SH3GL1: variants seen among roughly 807,000 people sequenced by gnomAD.
The protein encoded by SH3GL1 is SH3 domain containing GRB2 like 1, endophilin A2.
A neutral mutation model predicts 48.8 loss-of-function variants in SH3GL1; 21 were observed. That is an observed-to-expected ratio of 0.43 (90% CI 0.30 to 0.62). SH3GL1 has a LOEUF of 0.62. SH3GL1 is among the 20% of genes least tolerant of loss of function. The pLI, the probability that SH3GL1 is intolerant of heterozygous loss-of-function variation, is 0.11. For missense variants in SH3GL1, 454 were observed against 503.0 expected, an observed-to-expected ratio of 0.90 and a Z score of 0.93; for synonymous variants, 282 against 217.5, an observed-to-expected ratio of 1.30 and a Z score of -2.61.
intron 1 of SH3GL1, among the ~76,000 whole-genome samples, chr19:4,392,226 C>T (rs1001596068): frequency 6.6e-6 from 1 of 152,166 alleles, no homozygotes; most frequent in East Asian, 1.9e-4. Context: ...GTTATGAACC[C>T]CATATTTTTG....
intron 1 of SH3GL1, among the ~76,000 whole-genome samples, chr19:4,387,814 G>A (rs1173709127): frequency 1.3e-5 from 2 of 152,198 alleles, no homozygotes. Flanking sequence ...CTCCCGAGTA[G>A]CGGGGATTAC....
intron 3 of SH3GL1, among the ~76,000 whole-genome samples, chr19:4,366,007 T>G (rs891888892): frequency 2.6e-5 from 4 of 152,126 alleles, no homozygotes; most frequent in Non-Finnish European, 1.5e-5. Context: ...GCTGCCCGCT[T>G]GGGTCTGCTC....
intron 1 of SH3GL1, among the ~76,000 whole-genome samples, chr19:4,378,212 A>C (rs1176900492): frequency 1.3e-5 from 2 of 152,194 alleles, no homozygotes; most frequent in African/African-American, 4.8e-5. Context: ...TCGGGAGCTC[A>C]GGTGTGCCAG....
intron 1 of SH3GL1, among the ~76,000 whole-genome samples, chr19:4,378,960 G>A (rs1973066526): frequency 1.3e-5 from 2 of 152,234 alleles, no homozygotes; most frequent in Non-Finnish European, 2.9e-5. Context: ...CCCTGGTGAG[G>A]CACTCACAGG....
chr19:4,360,514 G>C lies in SH3GL1; in HGVS notation c.*1086C>G, dbSNP rs1972576032. ...GGGGTGCAGGGCAGGGCAGAGCAGA[G>C]CCTGGGGTCCGGAGGCTTCACTGGA... is the stretch of plus-strand genomic sequence containing the variant. On this transcript the variant is annotated 3_prime_UTR_variant, in exon 10 of 10. Transcript: ENST00000269886. The C allele has an allele frequency of 4.3e-6, 1 of 233,940 alleles. No homozygotes were observed. The highest frequency in any genetic ancestry group is 8.4e-6 in the Non-Finnish European group (1 of 118,612). 14.5% of individuals were successfully genotyped at this position (233,940 alleles called of 1,614,324 possible).
At chr19:4,366,623 G>T in intron 2 of SH3GL1, 50 bp from the exon 3 acceptor site, 1 of 1,538,096 alleles carries the variant, frequency 6.5e-7, no homozygotes. Context: ...GGGGCCCAAG[G>T]CACACAAGAC....
In SH3GL1 at chr19:4,376,049, G is replaced by C. The variant is rs1350478606; in HGVS notation, c.46-9055C>G. Among the ~76,000 whole-genome samples the C allele has an allele frequency of 1.3e-5, 2 of 152,240 alleles. No individual in the cohort carries two copies. Among genetic ancestry groups the C allele is most frequent in the Non-Finnish European group, 2.9e-5 (2 of 68,040 alleles). ...GAGACTGGAAATGGTCTTGGAGAGAGAACTGCGGGGCATGGTGACAGCGGT... is the reference window on the plus strand; with the variant it reads ...GAGACTGGAAATGGTCTTGGAGAGACAACTGCGGGGCATGGTGACAGCGGT... On this transcript the variant is annotated intron_variant, in intron 1 of 9. Coordinates refer to ENST00000269886, the MANE Select transcript of SH3GL1 (RefSeq NM_003025.4). The surrounding 1 kb of genome is among the most constrained non-coding windows in gnomAD (Gnocchi z 4.3).
intron 3 of SH3GL1, 27 bp from the exon 4 acceptor site, chr19:4,365,652 G>A (rs1193427156): frequency 6.2e-7 from 1 of 1,612,516 alleles, no homozygotes; most frequent in Non-Finnish European, 8.5e-7. Context: ...AGGTGGGTGT[G>A]GGCTGTGAGG....
intron 1 of SH3GL1, among the ~76,000 whole-genome samples, chr19:4,392,562 ACAC>A (rs1568422024): frequency 1.5e-4 from 19 of 125,250 alleles, no homozygotes; most frequent in African/African-American, 5.8e-4. Flanking sequence ...ACACACACAC[ACAC>A]ACACAAAAGA....
rs544526955 is a variant in SH3GL1 at position 4,360,799 on chromosome 19, G to C, written c.*801C>G. ...GCTGTGGTCCCGTGTGAGGTGTGCT[G>C]GGGTGGGTGTGGGTGGCTGGTGGTG... On this transcript the variant is annotated 3_prime_UTR_variant, in exon 10 of 10. Transcript: ENST00000269886. 5.7e-4 allele frequency: 134 copies of C among 234,264 alleles called. No individual in the cohort carries two copies. Among genetic ancestry groups the C allele is most frequent in the African/African-American group, 2.7e-3 (125 of 45,472 alleles). 14.5% of individuals were successfully genotyped at this position (234,264 alleles called of 1,614,324 possible).
At chr19:4,371,577 A>C (rs1331683715) in intron 1 of SH3GL1, among the ~76,000 whole-genome samples, 2 of 152,242 alleles carry the variant, frequency 1.3e-5, no homozygotes, top group Admixed American at 6.5e-5. Flanking sequence ...TTTAAAGAAG[A>C]AAGCCAGCGT....
At position 4,364,632 on chromosome 19, in the gene SH3GL1, T is replaced by C. The variant is rs566605502; in HGVS notation, c.332-411A>G. 12 of 218,212 alleles carry C rather than the reference T, an allele frequency of 5.5e-5. No individual in the cohort carries two copies. The East Asian group carries it at 1.3e-3, about 23-fold the overall frequency. The allele number at this position is 218,212 out of a possible 1,614,324, so 13.5% of individuals were successfully genotyped here. Reference sequence around the variant, plus strand: ...TTTTAATAGAGACGGGGTTTCACCATATAGACCACACCGGTCTCGAACTCC... The same window carrying C: ...TTTTAATAGAGACGGGGTTTCACCACATAGACCACACCGGTCTCGAACTCC... On this transcript the variant is annotated intron_variant, in intron 4 of 9. Coordinates refer to ENST00000269886, the MANE Select transcript of SH3GL1 (RefSeq NM_003025.4).
intron 4 of SH3GL1, 78 bp from the exon 5 acceptor site, chr19:4,364,299 T>A: frequency 6.3e-7 from 1 of 1,575,200 alleles, no homozygotes; most frequent in South Asian, 1.1e-5. Context: ...CCTTTGTTTT[T>A]GAAATAGCGT....
At chr19:4,364,862 C>T (rs1424233611) in intron 4 of SH3GL1, among the ~76,000 whole-genome samples, 1 of 76,568 alleles carries the variant, frequency 1.3e-5, no homozygotes, top group Non-Finnish European at 2.6e-5. Flanking sequence ...CCACACCCGG[C>T]TAATTGTGTG....
chr19:4,375,018 C>G (rs1237769552), intron 1 of SH3GL1, among the ~76,000 whole-genome samples: 1 of 152,212 alleles, frequency 6.6e-6, no homozygotes, highest in Non-Finnish European at 1.5e-5. Flanking sequence ...GGGCTCCCAT[C>G]ACCACTACCA....
chr19:4,398,721 G>T (rs2144934753), intron 1 of SH3GL1, among the ~76,000 whole-genome samples: 1 of 152,218 alleles, frequency 6.6e-6, no homozygotes, highest in East Asian at 1.9e-4. Context: ...AATTTTAAAT[G>T]TGCCCAGTTT....
chr19:4,396,348 G>A (rs910411032), intron 1 of SH3GL1, among the ~76,000 whole-genome samples: 3 of 152,144 alleles, frequency 2.0e-5, no homozygotes, highest in East Asian at 1.9e-4. Flanking sequence ...GCAGTGAGCC[G>A]AGATCGTGCC....
intron 9 of SH3GL1, 87 bp from the exon 10 acceptor site, chr19:4,361,883 G>C: frequency 2.0e-6 from 2 of 980,274 alleles, no homozygotes; most frequent in Non-Finnish European, 1.6e-6. Flanking sequence ...GACCTGGAGC[G>C]TGTGGGTGGG....
chr19:4,365,348 T>G, intron 4 of SH3GL1, 134 bp downstream of exon 4: 2 of 1,231,366 alleles, frequency 1.6e-6, no homozygotes, highest in Non-Finnish European at 2.4e-6. Flanking sequence ...CTCCTGCACC[T>G]CTGCAGCTGG....
Sources: gnomAD v4.1 joint callset for allele counts (sites outside exome capture counted in the v4.1 genomes callset) on GRCh38, gnomAD v4.1.1 for gene constraint, Gnocchi (gnomAD v3.1) non-coding constraint, MANE v1.5 for transcripts, NCBI Gene and HGNC (gene_info 2026-07-23, HGNC 2026-07-21) for gene names.